MBD5: variants seen among roughly 807,000 people sequenced by gnomAD.
MBD5 encodes the protein methyl-CpG-binding domain protein 5.
Under a neutral mutation model 117.3 loss-of-function variants are expected in MBD5, and 13 were observed. The ratio of observed to expected loss-of-function variants is 0.11; its 90% CI spans 0.07 to 0.18. The LOEUF (loss-of-function observed/expected upper bound fraction) is 0.18, where lower values mean the gene tolerates loss of function less well. Ranked by LOEUF, MBD5 falls within the 10% of genes least tolerant of loss-of-function variation. The pLI, the probability that MBD5 is intolerant of heterozygous loss-of-function variation, is 1.00. For missense variants in MBD5, 1,879 were observed against 2,093.8 expected, an observed-to-expected ratio of 0.90 and a Z score of 2.00; for synonymous variants, 727 against 766.4, an observed-to-expected ratio of 0.95 and a Z score of 0.85.
In MBD5 at chr2:148,107,957, A is replaced by C. The variant is rs151109490; in HGVS notation, c.-924-70743A>C. 1.5e-3 allele frequency among the ~76,000 whole-genome samples: 224 copies of C among 152,278 alleles called. 1 individual carries two copies. Among genetic ancestry groups the C allele is most frequent in the Non-Finnish European group, 2.6e-3 (180 of 67,996 alleles). ...AGTACAATACTATTAATGTAGGATC[A>C]CTTTAAATTGTTAGCTTGAGGTTTT... is the stretch of plus-strand genomic sequence containing the variant. On this transcript the variant is annotated intron_variant, in intron 1 of 13. Transcript: ENST00000642680.
In MBD5 at chr2:148,283,404, T is replaced by C. The variant is rs115447406; in HGVS notation, c.-680+50009T>C. Among the ~76,000 whole-genome samples, 862 of 152,262 alleles carry C rather than the reference T, an allele frequency of 5.7e-3. 11 individuals carry two copies. Among genetic ancestry groups the C allele is most frequent in the African/African-American group, 0.017 (711 of 41,558 alleles). On this transcript the variant is annotated intron_variant, in intron 3 of 13. Coordinates refer to ENST00000642680, the MANE Select transcript of MBD5 (RefSeq NM_001378120.1). ...GTAGATCTACATTATCTGGTATTTG[T>C]ATTTGACAGCTTTAACTGCTAAGAC... is the stretch of plus-strand genomic sequence containing the variant.
intron 1 of MBD5, among the ~76,000 whole-genome samples, chr2:148,121,628 A>G (rs1313212825): frequency 1.3e-5 from 2 of 152,030 alleles, no homozygotes; most frequent in African/African-American, 2.4e-5. Context: ...TTTTCTTTTA[A>G]AAAGCCATGC....
intron 1 of MBD5, among the ~76,000 whole-genome samples, chr2:148,150,562 C>G (rs1464355087): frequency 6.6e-6 from 1 of 152,102 alleles, no homozygotes; most frequent in African/African-American, 2.4e-5. Flanking sequence ...ATTGATTCTT[C>G]TGACCCATGA....
At chr2:148,315,477 G>A (rs1308190444) in intron 3 of MBD5, among the ~76,000 whole-genome samples, 1 of 152,172 alleles carries the variant, frequency 6.6e-6, no homozygotes, top group Non-Finnish European at 1.5e-5. Context: ...AAATGTTCAA[G>A]TAAAATTGAA....
chr2:148,121,810 C>A (rs1171732479), intron 1 of MBD5, among the ~76,000 whole-genome samples: 1 of 152,034 alleles, frequency 6.6e-6, no homozygotes, highest in Non-Finnish European at 1.5e-5. Flanking sequence ...TCTAGGCTTT[C>A]TTATCCACGT....
chr2:148,334,482 G>T (rs1033668439), intron 3 of MBD5, among the ~76,000 whole-genome samples: 1 of 151,836 alleles, frequency 6.6e-6, no homozygotes, highest in Non-Finnish European at 1.5e-5. Context: ...ACATGTGTGC[G>T]CCACTAAGCC....
intron 4 of MBD5, among the ~76,000 whole-genome samples, chr2:148,382,777 A>G (rs889079378): frequency 6.6e-6 from 1 of 152,224 alleles, no homozygotes; most frequent in African/African-American, 2.4e-5. Flanking sequence ...AGTGCAATCA[A>G]ACTAGAACTT....
At chr2:148,236,193 G>A (rs776045026) in intron 3 of MBD5, among the ~76,000 whole-genome samples, 5 of 152,058 alleles carry the variant, frequency 3.3e-5, no homozygotes, top group East Asian at 1.9e-4. Context: ...TGGCTGTGGC[G>A]ATATATTGAA....
intron 3 of MBD5, among the ~76,000 whole-genome samples, chr2:148,337,166 A>G (rs1702819135): frequency 1.3e-5 from 2 of 151,064 alleles, no homozygotes; most frequent in Admixed American, 1.3e-4. Flanking sequence ...GCCCCTCCAA[A>G]CTCTTTCCTG....
chr2:148,426,659 G>C (rs1039469066), intron 4 of MBD5, among the ~76,000 whole-genome samples: 1 of 152,206 alleles, frequency 6.6e-6, no homozygotes. Context: ...ATTCAAGATG[G>C]ATTAAAGACT....
intron 1 of MBD5, among the ~76,000 whole-genome samples, chr2:148,051,612 TG>T (rs1409690540): frequency 1.3e-4 from 7 of 52,180 alleles, no homozygotes; most frequent in Non-Finnish European, 3.5e-4. Flanking sequence ...TGAGTGTGTG[TG>T]TGTGTGTGTG....
At chr2:148,235,892 G>A (rs1469159526) in intron 3 of MBD5, among the ~76,000 whole-genome samples, 2 of 152,000 alleles carry the variant, frequency 1.3e-5, no homozygotes, top group Non-Finnish European at 2.9e-5. Flanking sequence ...TTGACTTCCT[G>A]GACTCAAGTG....
chr2:148,385,362 C>G (rs1704317979), intron 4 of MBD5, among the ~76,000 whole-genome samples: 1 of 152,156 alleles, frequency 6.6e-6, no homozygotes. Context: ...TGAAAAAATA[C>G]TCATCATCAC....
intron 4 of MBD5, among the ~76,000 whole-genome samples, chr2:148,404,392 A>G (rs936434630): frequency 6.6e-6 from 1 of 152,112 alleles, no homozygotes; most frequent in Non-Finnish European, 1.5e-5. Flanking sequence ...CTTTCTTTCA[A>G]GCAATTATTT....
chr2:148,327,046 T>C (rs1221624320), intron 3 of MBD5, among the ~76,000 whole-genome samples: 2 of 152,030 alleles, frequency 1.3e-5, no homozygotes, highest in Non-Finnish European at 2.9e-5. Flanking sequence ...TGACAAAATC[T>C]CTCAGCATTT....
At chr2:148,385,902 T>C (rs1451187071) in intron 4 of MBD5, among the ~76,000 whole-genome samples, 2 of 141,322 alleles carry the variant, frequency 1.4e-5, no homozygotes, top group African/African-American at 2.7e-5. Context: ...TAGGTGGGAA[T>C]TGAACAATGA....
At chr2:148,412,825 G>GT (rs199507498) in intron 4 of MBD5, among the ~76,000 whole-genome samples, 2 of 152,054 alleles carry the variant, frequency 1.3e-5, no homozygotes, top group South Asian at 2.1e-4. Context: ...CTTTGCTAAA[G>GT]TTTTTTTTCT....
chr2:148,379,263 G>T (rs888120688), intron 4 of MBD5, among the ~76,000 whole-genome samples: 2 of 151,996 alleles, frequency 1.3e-5, no homozygotes, highest in African/African-American at 2.4e-5. Flanking sequence ...AGCAGCTTAA[G>T]GGGGAAAAAA....
At chr2:148,463,093 A>G (rs762073462) in intron 6 of MBD5, among the ~76,000 whole-genome samples, 1 of 152,202 alleles carries the variant, frequency 6.6e-6, no homozygotes, top group Non-Finnish European at 1.5e-5. Flanking sequence ...CCTCCTAGCC[A>G]AAATATGAAA....
Sources: allele counts gnomAD v4.1 joint callset (sites outside exome capture counted in the v4.1 genomes callset), GRCh38; gene constraint gnomAD v4.1.1; transcripts MANE v1.5; gene names NCBI Gene and HGNC (gene_info 2026-07-23, HGNC 2026-07-21).